ADCY8: variants seen among roughly 807,000 people sequenced by gnomAD.
The protein encoded by ADCY8 is adenylate cyclase type 8.
A neutral mutation model predicts 119.7 loss-of-function variants in ADCY8; 51 were observed. The ratio of observed to expected loss-of-function variants is 0.43; its 90% CI spans 0.34 to 0.54. ADCY8 has a LOEUF of 0.54. Ranked by LOEUF, ADCY8 falls within the 20% of genes least tolerant of loss-of-function variation. The probability of loss-of-function intolerance (pLI) is 0.03; values close to 1 mark genes in which losing one functional copy is unlikely to be tolerated. For synonymous variants in ADCY8, 665 were observed against 651.0 expected (o/e 1.02, Z -0.33); for missense variants, 1,383 against 1,598.8 (o/e 0.87, Z 2.30).
intron 1 of ADCY8, among the ~76,000 whole-genome samples, chr8:131,018,331 T>C (rs983742861): frequency 6.6e-6 from 1 of 152,204 alleles, no homozygotes; most frequent in Admixed American, 6.5e-5. Flanking sequence ...GGTTTGGAAA[T>C]ATCAGTTTAA....
At chr8:131,021,753 T>A (rs746501019) in intron 1 of ADCY8, among the ~76,000 whole-genome samples, 8 of 152,180 alleles carry the variant, frequency 5.3e-5, no homozygotes, top group Non-Finnish European at 1.2e-4. Context: ...ACATGTTTGC[T>A]TCCCCTTCTG....
intron 5 of ADCY8, among the ~76,000 whole-genome samples, chr8:130,920,666 G>A (rs1820274128): frequency 6.6e-6 from 1 of 152,206 alleles, no homozygotes; most frequent in East Asian, 1.9e-4. Flanking sequence ...AATTTTATGT[G>A]TCAATTTGGT....
intron 14 of ADCY8, among the ~76,000 whole-genome samples, chr8:130,803,606 A>G (rs1008830608): frequency 7.2e-5 from 11 of 152,230 alleles, no homozygotes; most frequent in African/African-American, 2.7e-4. Context: ...TTTCATATGA[A>G]TTCAGTGATT....
intron 1 of ADCY8, among the ~76,000 whole-genome samples, chr8:131,037,304 T>C (rs982680582): frequency 1.3e-5 from 2 of 152,104 alleles, no homozygotes; most frequent in African/African-American, 4.8e-5. Flanking sequence ...GAGATGAGGG[T>C]GGGAAGACAT....
chr8:130,810,137 TG>T (rs776123663), intron 14 of ADCY8, among the ~76,000 whole-genome samples: 16 of 152,166 alleles, frequency 1.1e-4, no homozygotes, highest in Non-Finnish European at 1.6e-4. Flanking sequence ...TGGGTGCTAT[TG>T]TGGCTCCGTG....
chr8:131,019,797 TTCTC>T (rs61010907), intron 1 of ADCY8, among the ~76,000 whole-genome samples: 12,223 of 103,640 alleles, frequency 0.12, 717 homozygotes, highest in Non-Finnish European at 0.15. Context: ...ATGGAACAAA[TTCTC>T]TCTCTCTCTC....
chr8:130,907,921 A>G (rs939926540), intron 6 of ADCY8, among the ~76,000 whole-genome samples: 14 of 152,200 alleles, frequency 9.2e-5, no homozygotes, highest in Middle Eastern at 3.4e-3. Context: ...AGCAGGCCCC[A>G]GTGTCTATTC....
intron 12 of ADCY8, among the ~76,000 whole-genome samples, chr8:130,826,433 C>A (rs963729294): frequency 6.6e-6 from 1 of 152,108 alleles, no homozygotes; most frequent in Non-Finnish European, 1.5e-5. Flanking sequence ...CAGAAAAAAT[C>A]TTTTCTCCAC....
chr8:130,829,158 C>T (rs535031257), intron 12 of ADCY8, among the ~76,000 whole-genome samples: 32 of 152,282 alleles, frequency 2.1e-4, no homozygotes, highest in Admixed American at 1.8e-3. Context: ...CATTCAACAC[C>T]GTGCCTGGAT....
intron 7 of ADCY8, chr8:130,892,728 A>G (rs11776361): frequency 0.098 from 14,991 of 152,214 alleles, 812 homozygotes; most frequent in Non-Finnish European, 0.12. Flanking sequence ...TTCTCTTGAG[A>G]TGTGATGTGG....
intron 1 of ADCY8, among the ~76,000 whole-genome samples, chr8:131,007,879 G>A (rs1823173137): frequency 6.7e-6 from 1 of 149,392 alleles, no homozygotes; most frequent in Admixed American, 6.6e-5. Context: ...AGGAATGAGT[G>A]CTAGGACAGA....
chr8:130,959,964 A>G (rs1821548840), intron 2 of ADCY8, among the ~76,000 whole-genome samples: 4 of 152,228 alleles, frequency 2.6e-5, no homozygotes, highest in Non-Finnish European at 4.4e-5. Flanking sequence ...GATCACATTT[A>G]GATTTTTTTC....
chr8:130,978,698 G>GT (rs1822147382), intron 2 of ADCY8, among the ~76,000 whole-genome samples: 1 of 152,100 alleles, frequency 6.6e-6, no homozygotes, highest in Non-Finnish European at 1.5e-5. Flanking sequence ...CCAAACTCTA[G>GT]TTTGTTACAA....
chr8:130,824,318 TATCA>T (rs1266293224), intron 12 of ADCY8, among the ~76,000 whole-genome samples: 3 of 152,192 alleles, frequency 2.0e-5, no homozygotes, highest in Non-Finnish European at 4.4e-5. Flanking sequence ...TTAATTGTCA[TATCA>T]ACAATCAAGA....
At chr8:130,918,431 C>G (rs1820196471) in intron 5 of ADCY8, among the ~76,000 whole-genome samples, 1 of 152,128 alleles carries the variant, frequency 6.6e-6, no homozygotes, top group African/African-American at 2.4e-5. Context: ...GTGGTTAGGG[C>G]TTCAACACAG....
At chr8:130,863,659 C>G (rs1044521101) in intron 9 of ADCY8, among the ~76,000 whole-genome samples, 10 of 151,940 alleles carry the variant, frequency 6.6e-5, no homozygotes, top group African/African-American at 2.4e-4. Context: ...AGTGTTTGCT[C>G]AAGAGCTTAA....
intron 1 of ADCY8, among the ~76,000 whole-genome samples, chr8:131,009,127 G>A (rs1487894775): frequency 6.6e-6 from 1 of 152,192 alleles, no homozygotes; most frequent in African/African-American, 2.4e-5. Context: ...AAGTAACGAG[G>A]AGCTGAATGT....
chr8:131,033,800 A>G (rs1473050674), intron 1 of ADCY8, among the ~76,000 whole-genome samples: 1 of 151,852 alleles, frequency 6.6e-6, no homozygotes, highest in Non-Finnish European at 1.5e-5. Context: ...ATGAAGAAGA[A>G]AGAAAGAAAA....
intron 4 of ADCY8, among the ~76,000 whole-genome samples, chr8:130,941,204 G>T (rs1410466511): frequency 6.6e-6 from 1 of 152,122 alleles, no homozygotes; most frequent in African/African-American, 2.4e-5. Context: ...AAGTTCCCTA[G>T]GATGGCCTCT....
Sources: gnomAD v4.1 joint callset for allele counts (sites outside exome capture counted in the v4.1 genomes callset) on GRCh38, gnomAD v4.1.1 for gene constraint, MANE v1.5 for transcripts, NCBI Gene and HGNC (gene_info 2026-07-23, HGNC 2026-07-21) for gene names.